LINGO2: variants seen among roughly 807,000 people sequenced by gnomAD.
LINGO2 encodes leucine rich repeat and Ig domain containing 2.
LINGO2 carries 14 observed loss-of-function variants against 30.6 expected under a neutral mutation model. The ratio of observed to expected loss-of-function variants is 0.46; its 90% CI spans 0.30 to 0.72. LINGO2 has a LOEUF of 0.72. Among genes scored for constraint, LINGO2 ranks in the 30% least tolerant of loss-of-function variants. The pLI is 0.07. For synonymous variants in LINGO2, 317 were observed against 288.5 expected (o/e 1.10, Z -1.00); for missense variants, 729 against 751.7 (o/e 0.97, Z 0.35).
intron 1 of LINGO2, among the ~76,000 whole-genome samples, chr9:28,566,821 G>T (rs959660958): frequency 4.6e-5 from 7 of 152,162 alleles, no homozygotes; most frequent in Non-Finnish European, 1.0e-4. Context: ...TAAAATGCCT[G>T]ATGTTGATAC....
At chr9:27,997,002 G>A (rs1245486856) in intron 5 of LINGO2, among the ~76,000 whole-genome samples, 1 of 152,086 alleles carries the variant, frequency 6.6e-6, no homozygotes, top group Non-Finnish European at 1.5e-5. Context: ...GCTGACACAG[G>A]TTTCAAAAAT....
chr9:28,378,330 A>T (rs2134613241), intron 2 of LINGO2, among the ~76,000 whole-genome samples: 1 of 152,318 alleles, frequency 6.6e-6, no homozygotes, highest in South Asian at 2.1e-4. Context: ...CATTTTAAGC[A>T]GGGAGGCTTT....
the LINGO2 span, among the ~76,000 whole-genome samples, chr9:29,130,586 A>T: frequency 6.6e-6 from 1 of 152,284 alleles, no homozygotes; most frequent in Non-Finnish European, 1.5e-5. Flanking sequence ...AATCTTACAC[A>T]AAATGCCACT....
chr9:28,153,548 G>T (rs974446649), intron 4 of LINGO2, among the ~76,000 whole-genome samples: 15 of 152,100 alleles, frequency 9.9e-5, no homozygotes, highest in African/African-American at 3.6e-4. Context: ...AAAATAGAAT[G>T]CAACCCAAAA....
In LINGO2 at chr9:28,147,692, C is replaced by A. The variant is rs1172374598; in HGVS notation, c.-86-135287G>T. ...GATCAGCCCCGCACCCCCAACAGCC[C>A]CACGGGGGGGCCCGTCCAGGGCCAC... On this transcript the variant is annotated intron_variant, in intron 4 of 5. Coordinates refer to ENST00000379992, the Ensembl canonical transcript of LINGO2. This position sits in a 1 kb window ranked among gnomAD's most constrained non-coding sequence, Gnocchi z 4.7. Among the ~76,000 whole-genome samples the A allele has an allele frequency of 6.6e-6, 1 of 152,186 alleles. No individual in the cohort carries two copies. Among genetic ancestry groups the A allele is most frequent in the Admixed American group, 6.5e-5 (1 of 15,292 alleles).
intron 2 of LINGO2, among the ~76,000 whole-genome samples, chr9:28,434,116 G>A (rs113303348): frequency 3.0e-4 from 46 of 151,520 alleles, no homozygotes; most frequent in Non-Finnish European, 4.1e-4. Context: ...ACCAAATATC[G>A]TATGTTCTCA....
chr9:27,998,064 C>G (rs1168804472), intron 5 of LINGO2, among the ~76,000 whole-genome samples: 2 of 152,128 alleles, frequency 1.3e-5, no homozygotes, highest in Non-Finnish European at 2.9e-5. Context: ...TAGCTTGTCT[C>G]CAAGATAACG....
chr9:27,972,092 C>A (rs890191354), intron 5 of LINGO2, among the ~76,000 whole-genome samples: 2 of 151,708 alleles, frequency 1.3e-5, no homozygotes, highest in African/African-American at 4.8e-5. Flanking sequence ...CACAAAAGGA[C>A]TTATAAAAAG....
chr9:28,673,992 G>A (rs186435089), upstream of LINGO2, among the ~76,000 whole-genome samples: 1 of 151,792 alleles, frequency 6.6e-6, no homozygotes, highest in African/African-American at 2.4e-5. Context: ...GCTTAGTATG[G>A]TCAATAAAAT....
chr9:28,179,504 T>C (rs1294451878), intron 4 of LINGO2, among the ~76,000 whole-genome samples: 1 of 125,442 alleles, frequency 8.0e-6, no homozygotes, highest in Admixed American at 9.1e-5. Context: ...ACTATATATG[T>C]ACTATATATA....
chr9:28,157,040 AG>A (rs1312254026), intron 4 of LINGO2, among the ~76,000 whole-genome samples: 1 of 152,262 alleles, frequency 6.6e-6, no homozygotes, highest in South Asian at 2.1e-4. Context: ...TGGGTTCTGG[AG>A]GACAGTGGCC....
the LINGO2 span, among the ~76,000 whole-genome samples, chr9:28,762,933 G>T: frequency 6.6e-6 from 1 of 151,980 alleles, no homozygotes; most frequent in African/African-American, 2.4e-5. Context: ...AAAGTAAAAA[G>T]CTGAGTTTAA....
chr9:28,989,298 A>C, the LINGO2 span, among the ~76,000 whole-genome samples: 2 of 152,222 alleles, frequency 1.3e-5, no homozygotes, highest in Admixed American at 1.3e-4. Flanking sequence ...TTAGCATTGC[A>C]TCAAGAGAAA....
intron 1 of LINGO2, among the ~76,000 whole-genome samples, chr9:28,547,172 A>G (rs773223639): frequency 6.6e-6 from 1 of 152,110 alleles, no homozygotes; most frequent in Non-Finnish European, 1.5e-5. Context: ...TTTACCAGCT[A>G]GTTTATTTGT....
the LINGO2 span, among the ~76,000 whole-genome samples, chr9:28,878,533 C>A: frequency 1.7e-4 from 26 of 152,026 alleles, no homozygotes; most frequent in African/African-American, 5.8e-4. Flanking sequence ...GAGACACAAC[C>A]AAAAAAGAGA....
chr9:28,065,253 TG>T (rs1004616128), intron 4 of LINGO2, among the ~76,000 whole-genome samples: 2 of 152,086 alleles, frequency 1.3e-5, no homozygotes, highest in Admixed American at 6.6e-5. Context: ...ACCACATTTT[TG>T]TTCTGTATTC....
intron 3 of LINGO2, among the ~76,000 whole-genome samples, chr9:28,351,015 G>T (rs1462423204): frequency 6.6e-6 from 1 of 151,958 alleles, no homozygotes; most frequent in African/African-American, 2.4e-5. Context: ...TAGAGGGAAA[G>T]TTATAGCACT....
the LINGO2 span, among the ~76,000 whole-genome samples, chr9:28,966,830 A>G: frequency 6.6e-6 from 1 of 152,138 alleles, no homozygotes; most frequent in African/African-American, 2.4e-5. Context: ...ATTATTTGAA[A>G]AGAAAAATAA....
At chr9:28,737,912 G>T in the LINGO2 span, among the ~76,000 whole-genome samples, 1 of 152,020 alleles carries the variant, frequency 6.6e-6, no homozygotes, top group Admixed American at 6.6e-5. Flanking sequence ...AGTTTTTATG[G>T]ATATATTCTT....
Sources: allele counts gnomAD v4.1 joint callset (sites outside exome capture counted in the v4.1 genomes callset), GRCh38; gene constraint gnomAD v4.1.1; non-coding constraint Gnocchi (gnomAD v3.1); transcripts MANE v1.5; gene names NCBI Gene and HGNC (gene_info 2026-07-23, HGNC 2026-07-21).